The following PARD3B variants were observed in gnomAD, a reference collection of about 807,000 sequenced individuals.
PARD3B encodes par-3 family cell polarity regulator beta.
PARD3B carries 103 observed loss-of-function variants against 130.2 expected under a neutral mutation model. The observed-to-expected ratio is 0.79, with a 90% CI of 0.67 to 0.93. The LOEUF (loss-of-function observed/expected upper bound fraction) is 0.93. Ranked by LOEUF, PARD3B falls within the 40% of genes least tolerant of loss-of-function variation. The pLI is 0.00. For synonymous variants in PARD3B, 583 were observed against 553.2 expected, an observed-to-expected ratio of 1.05 and a Z score of -0.76; for missense variants, 1,609 against 1,499.2, an observed-to-expected ratio of 1.07 and a Z score of -1.21.
At chr2:204,848,494 A>G (rs905171851) in intron 2 of PARD3B, among the ~76,000 whole-genome samples, 4 of 152,132 alleles carry the variant, frequency 2.6e-5, no homozygotes, top group Non-Finnish European at 5.9e-5. Flanking sequence ...AAAAAAAAAT[A>G]GTTAGCTGGG....
At chr2:205,497,943 A>C (rs925683530) in intron 20 of PARD3B, among the ~76,000 whole-genome samples, 2 of 151,228 alleles carry the variant, frequency 1.3e-5, no homozygotes, top group Admixed American at 6.6e-5. Context: ...TTGGGAGGCC[A>C]AGGCAGGCAG....
At chr2:204,755,736 G>A in intron 2 of PARD3B, among the ~76,000 whole-genome samples, 1 of 152,008 alleles carries the variant, frequency 6.6e-6, no homozygotes, top group Non-Finnish European at 1.5e-5. Context: ...AGTTATTCCA[G>A]GCAATGGAAA....
chr2:204,633,002 T>G (rs917626051), intron 1 of PARD3B, among the ~76,000 whole-genome samples: 1 of 152,204 alleles, frequency 6.6e-6, no homozygotes, highest in Non-Finnish European at 1.5e-5. Context: ...TTAGACTGAT[T>G]CTGTACTTTG....
chr2:205,035,733 A>G (rs2125374717), intron 3 of PARD3B, among the ~76,000 whole-genome samples: 1 of 147,752 alleles, frequency 6.8e-6, no homozygotes, highest in East Asian at 2.0e-4. Context: ...ATAGTCCATT[A>G]TATATATTCT....
intron 21 of PARD3B, among the ~76,000 whole-genome samples, chr2:205,521,158 C>T (rs977191348): frequency 1.3e-5 from 2 of 151,744 alleles, no homozygotes; most frequent in Non-Finnish European, 2.9e-5. Context: ...GCTTTTAGAG[C>T]AACCCTATTA....
At chr2:204,914,185 G>T (rs1294985516) in intron 2 of PARD3B, among the ~76,000 whole-genome samples, 2 of 152,192 alleles carry the variant, frequency 1.3e-5, no homozygotes, top group Non-Finnish European at 2.9e-5. Flanking sequence ...GATTCAGTCT[G>T]TGAGATGAGG....
chr2:205,047,497 C>G, intron 3 of PARD3B, 84 bp from the exon 4 acceptor site: 1 of 735,022 alleles, frequency 1.4e-6, no homozygotes, highest in Non-Finnish European at 2.2e-6. Flanking sequence ...CTGTTGTAAA[C>G]CTTTTAAATT....
chr2:205,164,473 T>A (rs557844858), intron 11 of PARD3B, among the ~76,000 whole-genome samples: 57 of 152,230 alleles, frequency 3.7e-4, no homozygotes, highest in African/African-American at 7.9e-4. Flanking sequence ...TCTCTTTTTT[T>A]AAAAAATCCC....
At chr2:205,037,162 A>G (rs1459257938) in intron 3 of PARD3B, among the ~76,000 whole-genome samples, 2 of 125,588 alleles carry the variant, frequency 1.6e-5, no homozygotes, top group Non-Finnish European at 3.4e-5. Flanking sequence ...ACAAATATAC[A>G]TATATAGCGG....
rs1464114208 is a variant in PARD3B at position 205,146,228 on chromosome 2, T to C, written c.1435-12494T>C. Among the ~76,000 whole-genome samples the C allele has an allele frequency of 1.3e-5, 2 of 152,256 alleles. No homozygotes were observed. The highest frequency in any genetic ancestry group is 2.9e-5 in the Non-Finnish European group (2 of 68,040). ...TGTGCTATCTTTTAAAGATGTTACATGCAGGTAGCCTGGCATCAAAGAATT... is the reference window on the plus strand; with the variant it reads ...TGTGCTATCTTTTAAAGATGTTACACGCAGGTAGCCTGGCATCAAAGAATT... On this transcript the variant is annotated intron_variant, in intron 10 of 22. Coordinates refer to ENST00000406610, the MANE Select transcript of PARD3B (RefSeq NM_001302769.2). The surrounding 1 kb of genome is among the most constrained non-coding windows in gnomAD (Gnocchi z 4.3).
intron 1 of PARD3B, among the ~76,000 whole-genome samples, chr2:204,630,776 ATGGT>A (rs1355401516): frequency 9.9e-5 from 15 of 152,040 alleles, no homozygotes; most frequent in African/African-American, 1.7e-4. Flanking sequence ...ATATTCTCTG[ATGGT>A]TGGTTGTATT....
chr2:204,969,949 A>G (rs987717994), intron 3 of PARD3B, among the ~76,000 whole-genome samples: 3 of 151,884 alleles, frequency 2.0e-5, no homozygotes, highest in Non-Finnish European at 2.9e-5. Context: ...ATGTGTAGGA[A>G]AGTTCCACTA....
At chr2:205,531,621 T>C (rs1168724999) in intron 21 of PARD3B, among the ~76,000 whole-genome samples, 2 of 152,144 alleles carry the variant, frequency 1.3e-5, no homozygotes, top group African/African-American at 4.8e-5. Flanking sequence ...GTTATTGTCA[T>C]TGAAGCTTTA....
chr2:204,546,279 C>A, intron 1 of PARD3B, 160 bp downstream of exon 1: 1 of 1,081,964 alleles, frequency 9.2e-7, no homozygotes, highest in Non-Finnish European at 1.3e-6. Context: ...ATGTGGGTGT[C>A]TTTGGGTGTT....
intron 2 of PARD3B, among the ~76,000 whole-genome samples, chr2:204,739,183 C>T (rs781001027): frequency 6.6e-6 from 1 of 152,168 alleles, no homozygotes; most frequent in Non-Finnish European, 1.5e-5. Context: ...CATCTGTCAA[C>T]TTATTTAAAT....
At chr2:205,388,974 G>C (rs140009007) in intron 18 of PARD3B, among the ~76,000 whole-genome samples, 1 of 152,304 alleles carries the variant, frequency 6.6e-6, no homozygotes, top group East Asian at 1.9e-4. Flanking sequence ...CAAAGGAGAA[G>C]CTAAGGAAAG....
chr2:204,689,228 A>G lies in PARD3B; in HGVS notation c.222+2946A>G, dbSNP rs150295580. The stretch of plus-strand genomic sequence containing the variant: ...GTGGTTTGTCTGTGGTCTTACTTCT[A>G]TTATTCCTTTGGCCAACATAGTGCT... On this transcript the variant is annotated intron_variant, in intron 2 of 22. Transcript: ENST00000406610. This position sits in a 1 kb window ranked among gnomAD's most constrained non-coding sequence, Gnocchi z 5.2. Among the ~76,000 whole-genome samples the G allele has an allele frequency of 3.9e-5, 6 of 152,178 alleles. No individual in the cohort carries two copies. Among genetic ancestry groups the G allele is most frequent in the Admixed American group, 3.3e-4 (5 of 15,272 alleles).
intron 11 of PARD3B, among the ~76,000 whole-genome samples, chr2:205,165,769 A>AT (rs1400712826): frequency 7.0e-6 from 1 of 142,500 alleles, no homozygotes; most frequent in Non-Finnish European, 1.5e-5. Context: ...AAATAAATAA[A>AT]TAAAAGCTTC....
chr2:204,772,365 G>A (rs1158352392), intron 2 of PARD3B, among the ~76,000 whole-genome samples: 1 of 152,016 alleles, frequency 6.6e-6, no homozygotes, highest in Non-Finnish European at 1.5e-5. Context: ...AGTCCTAGCA[G>A]AGAAGAAAAG....
Sources: gnomAD v4.1 joint callset for allele counts (sites outside exome capture counted in the v4.1 genomes callset) on GRCh38, gnomAD v4.1.1 for gene constraint, Gnocchi (gnomAD v3.1) non-coding constraint, MANE v1.5 for transcripts, NCBI Gene and HGNC (gene_info 2026-07-23, HGNC 2026-07-21) for gene names.